CRCP: variants seen among roughly 807,000 people sequenced by gnomAD.
The protein encoded by CRCP is DNA-directed RNA polymerase III subunit RPC9.
CRCP carries 18 observed loss-of-function variants against 18.5 expected under a neutral mutation model. The ratio of observed to expected loss-of-function variants is 0.97; its 90% CI spans 0.67 to 1.44. CRCP has a LOEUF of 1.44. CRCP is among the 40% of genes most tolerant of loss of function. The pLI is 0.00. For missense variants in CRCP, 130 were observed against 176.4 expected (o/e 0.74, Z 1.49); for synonymous variants, 53 against 62.9 (o/e 0.84, Z 0.75).
chr7:66,145,312 T>G, intron 4 of CRCP, 131 bp from the exon 5 acceptor site: 1 of 851,616 alleles, frequency 1.2e-6, no homozygotes, highest in Non-Finnish European at 2.0e-6. Flanking sequence ...CGATTTACAG[T>G]TGAAGGAACT....
intron 5 of CRCP, among the ~76,000 whole-genome samples, chr7:66,148,061 T>A (rs1452504118): frequency 1.4e-4 from 20 of 142,346 alleles, no homozygotes; most frequent in South Asian, 2.2e-4. Flanking sequence ...ACCTGTCTTT[T>A]AAAAAAAAAA....
Position 66,121,034 on chromosome 7 carries a change from CATAATAATA to C in CRCP, c.8+6089_8+6097del, listed in dbSNP as rs10607378. 3.9e-3 allele frequency among the ~76,000 whole-genome samples: 568 copies of C among 145,388 alleles called. 4 individuals carry two copies. The highest frequency in any genetic ancestry group is 0.013 in the South Asian group (61 of 4,548). ...GGAAATACCTACTAAGTAACTAATACATAATAATAATAATAATAATAATAATAATAATAC... is the reference window on the plus strand; with the variant it reads ...GGAAATACCTACTAAGTAACTAATACATAATAATAATAATAATAATAATAC... On this transcript the variant is annotated intron_variant, in intron 1 of 5. Coordinates refer to ENST00000395326, the MANE Select transcript of CRCP (RefSeq NM_014478.5).
At chr7:66,146,008 G>A (rs1788282299) in intron 5 of CRCP, among the ~76,000 whole-genome samples, 1 of 152,104 alleles carries the variant, frequency 6.6e-6, no homozygotes, top group Non-Finnish European at 1.5e-5. Flanking sequence ...CTCACAGTCA[G>A]GGAGTCCCCA....
At chr7:66,145,414 G>C (rs777109261) in intron 4 of CRCP, 29 bp from the exon 5 acceptor site, 2 of 1,612,366 alleles carry the variant, frequency 1.2e-6, no homozygotes, top group African/African-American at 2.7e-5. Context: ...GGCTATGCGA[G>C]TTGTCAACGC....
chr7:66,125,901 C>G (rs1787605289), intron 1 of CRCP, among the ~76,000 whole-genome samples: 1 of 149,214 alleles, frequency 6.7e-6, no homozygotes, highest in African/African-American at 2.4e-5. Flanking sequence ...AGTTATAACT[C>G]AATTTCAAGC....
At chr7:66,119,302 C>T (rs1262857505) in intron 1 of CRCP, among the ~76,000 whole-genome samples, 1 of 152,168 alleles carries the variant, frequency 6.6e-6, no homozygotes, top group Non-Finnish European at 1.5e-5. Context: ...TAGAGCTCTG[C>T]GCCCCCTCTC....
chr7:66,133,467 C>T (rs1035457278), intron 3 of CRCP, among the ~76,000 whole-genome samples: 10 of 149,984 alleles, frequency 6.7e-5, no homozygotes, highest in Non-Finnish European at 1.3e-4. Context: ...GAGATCGTGC[C>T]GCTGCACTCC....
At chr7:66,128,450 C>G (rs1334889001) in intron 2 of CRCP, among the ~76,000 whole-genome samples, 1 of 152,028 alleles carries the variant, frequency 6.6e-6, no homozygotes, top group Non-Finnish European at 1.5e-5. Context: ...ATTTATAATG[C>G]TTTTATACAT....
chr7:66,136,350 C>T (rs1787971957), intron 4 of CRCP, among the ~76,000 whole-genome samples: 1 of 152,114 alleles, frequency 6.6e-6, no homozygotes, highest in African/African-American at 2.4e-5. Context: ...CCTGCCTCAG[C>T]CTCCACAGTA....
chr7:66,146,053 TC>T (rs1173478742), intron 5 of CRCP, among the ~76,000 whole-genome samples: 4 of 152,148 alleles, frequency 2.6e-5, no homozygotes, highest in African/African-American at 9.7e-5. Context: ...CTTGCTTCTC[TC>T]CCCCGTGTAC....
intron 1 of CRCP, among the ~76,000 whole-genome samples, chr7:66,119,383 G>C (rs1479724371): frequency 6.6e-6 from 1 of 152,130 alleles, no homozygotes; most frequent in Non-Finnish European, 1.5e-5. Context: ...GTAAACCTAA[G>C]TAGGTGTTTT....
intron 5 of CRCP, among the ~76,000 whole-genome samples, chr7:66,147,050 G>GC (rs1212516990): frequency 6.6e-6 from 1 of 152,132 alleles, no homozygotes; most frequent in Non-Finnish European, 1.5e-5. Context: ...TATTGAGAGT[G>GC]CCTGGGGTGG....
chr7:66,130,152 C>CTGGAGTA (rs1787752476), intron 2 of CRCP: 1 of 249,546 alleles, frequency 4.0e-6, no homozygotes, highest in Non-Finnish European at 7.1e-6. Context: ...GTCACCCAGG[C>CTGGAGTA]TGGAGTACAG....
In CRCP at chr7:66,127,801, A is replaced by C. The variant is rs1328718719; in HGVS notation, c.45+61A>C. The C allele has an allele frequency of 4.4e-6, 7 of 1,576,078 alleles. No homozygotes were observed. In the Admixed American group the frequency reaches 5.0e-5, roughly 11 times the overall value. On this transcript the variant is annotated intron_variant, in intron 2 of 5. Coordinates refer to ENST00000395326, the MANE Select transcript of CRCP (RefSeq NM_014478.5). ...TTGCCCTTCGCTCCTGAGATTGTTAAATTGATTTTGGTTAGAAATGACTGA... is the reference window on the plus strand; with the variant it reads ...TTGCCCTTCGCTCCTGAGATTGTTACATTGATTTTGGTTAGAAATGACTGA...
Position 66,114,920 on chromosome 7 carries a change from GTTCT to G in CRCP, c.-40_-37del, listed in dbSNP as rs769097258. On this transcript the variant is annotated 5_prime_UTR_variant, in exon 1 of 6. Transcript: ENST00000395326. ...GGCGGAGACAGCTGTGAAGTGTGAG[GTTCT>G]TTGTCTGCTGGCAGCTAGGGGCGAC... is the stretch of plus-strand genomic sequence containing the variant. 6.2e-7 allele frequency: 1 copy of G among 1,611,608 alleles called. No homozygotes were observed. Among genetic ancestry groups the G allele is most frequent in the Non-Finnish European group, 8.5e-7 (1 of 1,178,096 alleles).
At position 66,130,824 on chromosome 7, in the gene CRCP, G is replaced by T; in HGVS notation, c.126G>T (p.Leu42Phe). 1 of 1,579,678 alleles carries T rather than the reference G, an allele frequency of 6.3e-7. No individual in the cohort carries two copies. Residue 42 changes from leucine (L) to phenylalanine (F), a missense_variant, in exon 3 of 6, where the codon TTG becomes TTT. Transcript: ENST00000395326. ...AACACAGCTCTGGGCAACAGAACTTGAACACTATCACCTATGAAGTAAGGC... is the reference window on the plus strand; with the variant it reads ...AACACAGCTCTGGGCAACAGAACTTTAACACTATCACCTATGAAGTAAGGC... ...KNKHSSGQQN[L>F]NTITYETLKY...
At chr7:66,146,118 C>G (rs1336064634) in intron 5 of CRCP, among the ~76,000 whole-genome samples, 1 of 152,196 alleles carries the variant, frequency 6.6e-6, no homozygotes, top group Non-Finnish European at 1.5e-5. Flanking sequence ...TATCCTCTCC[C>G]CATTCTCCCT....
chr7:66,139,256 C>G (rs1584089181), intron 4 of CRCP, among the ~76,000 whole-genome samples: 1 of 152,308 alleles, frequency 6.6e-6, no homozygotes, highest in East Asian at 1.9e-4. Flanking sequence ...ACAGATTGTT[C>G]TGGCATCTTC....
intron 5 of CRCP, among the ~76,000 whole-genome samples, chr7:66,151,486 T>C (rs1788457333): frequency 6.6e-6 from 1 of 152,014 alleles, no homozygotes; most frequent in Non-Finnish European, 1.5e-5. Flanking sequence ...GGAGAATTGC[T>C]TGAACCTGAG....
Sources: allele counts gnomAD v4.1 joint callset (sites outside exome capture counted in the v4.1 genomes callset), GRCh38; gene constraint gnomAD v4.1.1; transcripts MANE v1.5; gene names NCBI Gene and HGNC (gene_info 2026-07-23, HGNC 2026-07-21).